DNAH11: variants seen among roughly 807,000 people sequenced by gnomAD.
DNAH11 encodes dynein axonemal heavy chain 11.
DNAH11 carries 442 observed loss-of-function variants against 526.0 expected under a neutral mutation model. The observed-to-expected ratio is 0.84, with a 90% CI of 0.78 to 0.91. The LOEUF (loss-of-function observed/expected upper bound fraction) is 0.91. Ranked by LOEUF, DNAH11 falls within the 40% of genes least tolerant of loss-of-function variation. DNAH11 has a pLI of 0.00. For missense variants in DNAH11, 6,989 were observed against 5,448.7 expected, an observed-to-expected ratio of 1.28 and a Z score of -8.90; for synonymous variants, 2,461 against 1,935.9, an observed-to-expected ratio of 1.27 and a Z score of -7.12.
At chr7:21,857,327 C>A (rs1782890006) in intron 68 of DNAH11, among the ~76,000 whole-genome samples, 1 of 152,086 alleles carries the variant, frequency 6.6e-6, no homozygotes, top group Non-Finnish European at 1.5e-5. Flanking sequence ...GAAGTCCTAA[C>A]TAAATAGATA....
chr7:21,758,193 G>A (rs187083348), intron 54 of DNAH11, among the ~76,000 whole-genome samples: 128 of 152,204 alleles, frequency 8.4e-4, no homozygotes, highest in Non-Finnish European at 1.5e-3. Context: ...GGACCACATC[G>A]CTCTGGATAC....
rs937155275 is a variant in DNAH11, at chr7:21,738,635, A to C, written c.7646-66A>C. 134 of 1,461,620 alleles carry C rather than the reference A, an allele frequency of 9.2e-5. 1 individual carries two copies. In the South Asian group the frequency reaches 1.7e-3, roughly 19 times the overall value. 90.5% of individuals were successfully genotyped at this position (1,461,620 alleles called of 1,614,324 possible). On this transcript the variant is annotated intron_variant, in intron 46 of 81. Coordinates refer to ENST00000409508, the MANE Select transcript of DNAH11 (RefSeq NM_001277115.2). Reference sequence around the variant, plus strand: ...ATCGACAGAAGAAGTTAAGAACAAGAGAAAAATGACTAAATGAACATTTAC... The same window carrying C: ...ATCGACAGAAGAAGTTAAGAACAAGCGAAAAATGACTAAATGAACATTTAC...
chr7:21,550,849 C>A (rs1402423769), intron 2 of DNAH11, among the ~76,000 whole-genome samples: 5 of 152,170 alleles, frequency 3.3e-5, no homozygotes, highest in African/African-American at 7.2e-5. Context: ...TTACGATTAT[C>A]AGTAAATTCT....
At chr7:21,777,042 A>G (rs1787703039) in intron 56 of DNAH11, among the ~76,000 whole-genome samples, 2 of 152,064 alleles carry the variant, frequency 1.3e-5, no homozygotes, top group Non-Finnish European at 2.9e-5. Flanking sequence ...CCATCTACAG[A>G]AAGATCCCAT....
intron 43 of DNAH11, 118 bp from the exon 44 acceptor site, chr7:21,720,607 A>G (rs1784837757): frequency 8.4e-7 from 1 of 1,192,036 alleles, no homozygotes; most frequent in African/African-American, 1.6e-5. Flanking sequence ...AATGTAGCAA[A>G]TCACAGCTGG....
At chr7:21,602,391 A>G (rs1223994668) in intron 18 of DNAH11, among the ~76,000 whole-genome samples, 1 of 152,166 alleles carries the variant, frequency 6.6e-6, no homozygotes, top group African/African-American at 2.4e-5. Context: ...GGATGGGGAA[A>G]TCACTGTGCT....
At chr7:21,694,625 G>A (rs1783770342) in intron 35 of DNAH11, among the ~76,000 whole-genome samples, 1 of 152,122 alleles carries the variant, frequency 6.6e-6, no homozygotes, top group Non-Finnish European at 1.5e-5. Context: ...TTGGTTCCAA[G>A]TCTTTGCTAT....
intron 35 of DNAH11, among the ~76,000 whole-genome samples, chr7:21,694,401 C>T (rs1008708167): frequency 6.6e-6 from 1 of 152,100 alleles, no homozygotes; most frequent in East Asian, 1.9e-4. Context: ...TCCCTGCGTC[C>T]ATGTGTTCTC....
chr7:21,715,247 A>G (rs960052842), intron 42 of DNAH11, among the ~76,000 whole-genome samples: 1 of 152,212 alleles, frequency 6.6e-6, no homozygotes, highest in East Asian at 1.9e-4. Context: ...AGTAATAAAT[A>G]AAAAGTTTTC....
chr7:21,656,278 A>G (rs956111713), intron 29 of DNAH11, among the ~76,000 whole-genome samples: 1 of 152,174 alleles, frequency 6.6e-6, no homozygotes, highest in African/African-American at 2.4e-5. Flanking sequence ...TAGCAAATGC[A>G]ACTCAGTGAC....
chr7:21,839,238 A>G (rs989719520), intron 65 of DNAH11, among the ~76,000 whole-genome samples: 3 of 152,152 alleles, frequency 2.0e-5, no homozygotes, highest in African/African-American at 2.4e-5. Flanking sequence ...GACTGAATAC[A>G]TATTTATTGG....
chr7:21,697,851 C>G (rs1783915450), intron 35 of DNAH11, among the ~76,000 whole-genome samples: 1 of 152,182 alleles, frequency 6.6e-6, no homozygotes, highest in African/African-American at 2.4e-5. Context: ...AACTCCTACA[C>G]CTGTGCTTCT....
chr7:21,799,040 T>A (rs1788843540), intron 61 of DNAH11, among the ~76,000 whole-genome samples: 1 of 152,140 alleles, frequency 6.6e-6, no homozygotes, highest in African/African-American at 2.4e-5. Context: ...AACCAAAAAT[T>A]TTGAGAACCA....
chr7:21,782,206 G>C (rs1355413681), intron 57 of DNAH11, among the ~76,000 whole-genome samples: 1 of 152,180 alleles, frequency 6.6e-6, no homozygotes, highest in East Asian at 1.9e-4. Flanking sequence ...ACTAATGCAA[G>C]GCAGAGAATT....
chr7:21,698,771 A>C (rs1783950439), intron 36 of DNAH11, among the ~76,000 whole-genome samples: 1 of 152,142 alleles, frequency 6.6e-6, no homozygotes, highest in African/African-American at 2.4e-5. Flanking sequence ...GTGCTTCTAT[A>C]AATAGGCATG....
chr7:21,748,492 A>T, intron 51 of DNAH11, 88 bp from the exon 52 acceptor site: 1 of 1,281,788 alleles, frequency 7.8e-7, no homozygotes, highest in South Asian at 3.0e-5. Flanking sequence ...CCATCTCAAA[A>T]GCAAATAAAT....
chr7:21,863,813 T>C (rs181260851), intron 69 of DNAH11, among the ~76,000 whole-genome samples: 2 of 152,296 alleles, frequency 1.3e-5, no homozygotes, highest in East Asian at 3.9e-4. Flanking sequence ...TAATATCTAA[T>C]AAAATATTTT....
intron 18 of DNAH11, among the ~76,000 whole-genome samples, chr7:21,602,031 C>T (rs1040216854): frequency 7.2e-5 from 11 of 151,778 alleles, no homozygotes; most frequent in South Asian, 6.2e-4. Flanking sequence ...GCAAACGTAT[C>T]ATGGATTTGT....
rs1784316813 is a variant in DNAH11, at chr7:21,707,585, A to G, written c.6547-114A>G. The G allele has an allele frequency of 3.8e-6, 5 of 1,305,644 alleles. No homozygotes were observed. In the South Asian group the frequency reaches 5.1e-5, roughly 13 times the overall value. 80.9% of individuals were successfully genotyped at this position (1,305,644 alleles called of 1,614,324 possible). ...TTTTTCCCCTTCTCGATCTTAGCACACACACAGCATCTAGGAACATATAAT... is the reference window on the plus strand; with the variant it reads ...TTTTTCCCCTTCTCGATCTTAGCACGCACACAGCATCTAGGAACATATAAT... On this transcript the variant is annotated intron_variant, in intron 39 of 81. Coordinates refer to ENST00000409508, the MANE Select transcript of DNAH11 (RefSeq NM_001277115.2).
Sources: gnomAD v4.1 joint callset for allele counts (sites outside exome capture counted in the v4.1 genomes callset) on GRCh38, gnomAD v4.1.1 for gene constraint, MANE v1.5 for transcripts, NCBI Gene and HGNC (gene_info 2026-07-23, HGNC 2026-07-21) for gene names.